Variants in RPTOR observed in about 807,000 individuals in gnomAD.
The protein encoded by RPTOR is regulatory-associated protein of mTOR.
Under a neutral mutation model 169.9 loss-of-function variants are expected in RPTOR, and 21 were observed. That is an observed-to-expected ratio of 0.12 (90% confidence interval 0.09 to 0.18). The LOEUF is 0.18. Ranked by LOEUF, RPTOR falls within the 10% of genes least tolerant of loss-of-function variation. RPTOR has a pLI of 1.00. For synonymous variants in RPTOR, 732 were observed against 753.2 expected (o/e 0.97, Z 0.46); for missense variants, 1,133 against 1,855.9 (o/e 0.61, Z 7.16).
At chr17:80,744,313 T>C (rs373458139) in intron 5 of RPTOR, among the ~76,000 whole-genome samples, 262 of 7,826 alleles carry the variant, frequency 0.033, 5 homozygotes, top group Middle Eastern at 0.1. Flanking sequence ...ACAGCCCTGG[T>C]TACTAGCACA....
chr17:80,947,127 G>A lies in RPTOR; in HGVS notation c.3141-100G>A. ...CCGCCGTGCCCGGCTGTGGTGTGTG[G>A]TTTTTTGATAGCAGCCCGGTGGGTT... On this transcript the variant is annotated intron_variant, in intron 26 of 33. Transcript: ENST00000306801. The surrounding 1 kb of genome is among the most constrained non-coding windows in gnomAD (Gnocchi z 4.4). 1 of 1,252,886 alleles carries A rather than the reference G, an allele frequency of 8.0e-7. No homozygotes were observed. Among genetic ancestry groups the A allele is most frequent in the Non-Finnish European group, 1.1e-6 (1 of 938,620 alleles). The allele number at this position is 1,252,886 out of a possible 1,614,324, so 77.6% of individuals were successfully genotyped here. A position where few individuals can be genotyped will look rare whatever the true frequency, so the allele number is the denominator to read the frequency against.
intron 7 of RPTOR, chr17:80,801,526 G>C (rs934450849): frequency 1.3e-5 from 2 of 152,208 alleles, no homozygotes; most frequent in Non-Finnish European, 2.9e-5. Flanking sequence ...CAGGGTTTGG[G>C]GGGGCAGCAC....
rs372286445 is a variant in RPTOR, at chr17:80,742,561, C to T, written c.655-11449C>T. 3.7e-4 allele frequency among the ~76,000 whole-genome samples: 53 copies of T among 144,634 alleles called. 1 individual carries two copies. The highest frequency in any genetic ancestry group is 1.3e-3 in the African/African-American group (50 of 38,396). The allele number at this position is 144,634 out of a possible 152,430, so 94.9% of individuals were successfully genotyped here. A position where few individuals can be genotyped will look rare whatever the true frequency, so the allele number is the denominator to read the frequency against. On this transcript the variant is annotated intron_variant, in intron 5 of 33. Transcript: ENST00000306801. Reference sequence around the variant, plus strand: ...ACGTATACTCACCTACATTTACATACATGTATGCACACACATAGACATATA... The same window carrying T: ...ACGTATACTCACCTACATTTACATATATGTATGCACACACATAGACATATA...
intron 13 of RPTOR, among the ~76,000 whole-genome samples, chr17:80,865,785 G>T (rs1286647467): frequency 6.6e-6 from 1 of 151,990 alleles, no homozygotes; most frequent in South Asian, 2.1e-4. Flanking sequence ...GGGGACTTGA[G>T]CAGCACTCTC....
At chr17:80,565,828 T>G (rs1198033108) in intron 1 of RPTOR, among the ~76,000 whole-genome samples, 1 of 152,272 alleles carries the variant, frequency 6.6e-6, no homozygotes, top group Non-Finnish European at 1.5e-5. Flanking sequence ...TGAGGCTATT[T>G]GGAGAGCACA....
intron 20 of RPTOR, among the ~76,000 whole-genome samples, chr17:80,902,080 C>A (rs985031435): frequency 6.6e-6 from 1 of 152,170 alleles, no homozygotes; most frequent in African/African-American, 2.4e-5. Context: ...GTTTCTCACT[C>A]AGCCCTTCGT....
intron 13 of RPTOR, among the ~76,000 whole-genome samples, chr17:80,862,836 C>T (rs954265401): frequency 5.3e-5 from 8 of 152,226 alleles, no homozygotes; most frequent in African/African-American, 9.6e-5. Context: ...CTGTGAAGAT[C>T]GCAGAGCCTG....
intron 6 of RPTOR, among the ~76,000 whole-genome samples, chr17:80,777,710 T>C (rs1254648032): frequency 6.6e-6 from 1 of 152,264 alleles, no homozygotes; most frequent in Non-Finnish European, 1.5e-5. Flanking sequence ...CTGCGCCGAC[T>C]CCAGCACTTT....
At chr17:80,751,130 G>A (rs753179243) in intron 5 of RPTOR, among the ~76,000 whole-genome samples, 2 of 152,196 alleles carry the variant, frequency 1.3e-5, no homozygotes, top group East Asian at 1.9e-4. Context: ...ATGACAGTGC[G>A]TTCTGTACCA....
chr17:80,588,354 G>A (rs901567970), intron 1 of RPTOR, among the ~76,000 whole-genome samples: 4 of 151,836 alleles, frequency 2.6e-5, no homozygotes, highest in African/African-American at 9.7e-5. Context: ...GTAGAGATGG[G>A]GTTTCACCAT....
At chr17:80,621,578 G>T (rs930135371) in intron 1 of RPTOR, among the ~76,000 whole-genome samples, 8 of 152,142 alleles carry the variant, frequency 5.3e-5, no homozygotes, top group African/African-American at 1.9e-4. Context: ...TGCCCCACTT[G>T]CTCGCTCCCT....
rs78294301 is a variant in RPTOR at position 80,582,319 on chromosome 17, C to T, written c.162+36528C>T. The stretch of plus-strand genomic sequence containing the variant: ...TTTCCTGTAAGGTGGGGTAAGAATG[C>T]GTGTGTACTGTGATTGATGTGAATA... On this transcript the variant is annotated intron_variant, in intron 1 of 33. Transcript: ENST00000306801. Among the ~76,000 whole-genome samples the T allele has an allele frequency of 4.4e-3, 675 of 152,164 alleles. 7 individuals are homozygous for T. Among genetic ancestry groups the T allele is most frequent in the South Asian group, 0.032 (156 of 4,820 alleles).
At chr17:80,789,618 G>T (rs190056026) in intron 6 of RPTOR, among the ~76,000 whole-genome samples, 1 of 152,298 alleles carries the variant, frequency 6.6e-6, no homozygotes, top group East Asian at 1.9e-4. Flanking sequence ...TAGGGCTTTT[G>T]CCTGCAATAT....
intron 28 of RPTOR, among the ~76,000 whole-genome samples, chr17:80,954,809 C>T (rs2069228080): frequency 6.6e-6 from 1 of 152,040 alleles, no homozygotes. Context: ...CCCAGTTACT[C>T]AGGAGGCTGA....
intron 1 of RPTOR, among the ~76,000 whole-genome samples, chr17:80,564,706 A>T (rs1237658561): frequency 6.6e-6 from 1 of 151,680 alleles, no homozygotes. Flanking sequence ...TATCAAGCCT[A>T]GTACCCAATA....
chr17:80,656,371 GAATACATTTTAA>G (rs2065680145), intron 3 of RPTOR, among the ~76,000 whole-genome samples: 1 of 152,136 alleles, frequency 6.6e-6, no homozygotes, highest in South Asian at 2.1e-4. Context: ...CCCGGCCTCA[GAATACATTTTAA>G]ATCAGGTCTG....
chr17:80,667,388 T>C (rs1044703267), intron 3 of RPTOR, among the ~76,000 whole-genome samples: 14 of 152,168 alleles, frequency 9.2e-5, no homozygotes, highest in Non-Finnish European at 1.6e-4. Flanking sequence ...TCTGCATTTG[T>C]TCCTACTGGA....
At chr17:80,849,651 T>G (rs983201680) in intron 11 of RPTOR, among the ~76,000 whole-genome samples, 1 of 152,194 alleles carries the variant, frequency 6.6e-6, no homozygotes, top group African/African-American at 2.4e-5. Flanking sequence ...CCCAAGTAGC[T>G]GGGATTACAG....
Position 80,940,025 on chromosome 17 carries a change from C to G in RPTOR, c.2920-471C>G, listed in dbSNP as rs530143894. 2.6e-3 allele frequency among the ~76,000 whole-genome samples: 389 copies of G among 152,346 alleles called. 3 individuals carry two copies. The highest frequency in any genetic ancestry group is 4.2e-3 in the Non-Finnish European group (287 of 68,040). ...CCAGCGATGTGTTTTGTAGCAGACACAGGACCCACAACAGCCCGTGCCTCT... is the reference window on the plus strand; with the variant it reads ...CCAGCGATGTGTTTTGTAGCAGACAGAGGACCCACAACAGCCCGTGCCTCT... On this transcript the variant is annotated intron_variant, in intron 24 of 33. Coordinates refer to ENST00000306801, the MANE Select transcript of RPTOR (RefSeq NM_020761.3).
Sources: gnomAD v4.1 joint callset for allele counts (sites outside exome capture counted in the v4.1 genomes callset) on GRCh38, gnomAD v4.1.1 for gene constraint, Gnocchi (gnomAD v3.1) non-coding constraint, MANE v1.5 for transcripts, NCBI Gene and HGNC (gene_info 2026-07-23, HGNC 2026-07-21) for gene names.